Variants in CRADD observed in about 807,000 individuals in gnomAD.
CRADD encodes CARD and death domain containing adaptor protein.
Under a neutral mutation model 15.5 loss-of-function variants are expected in CRADD, and 9 were observed. The ratio of observed to expected loss-of-function variants is 0.58; its 90% CI spans 0.35 to 1.01. CRADD has a LOEUF of 1.01. Among genes scored for constraint, CRADD ranks in the 50% least tolerant of loss-of-function variants. The pLI is 0.02. For missense variants in CRADD, 227 were observed against 250.3 expected (o/e 0.91, Z 0.63); for synonymous variants, 118 against 107.6 (o/e 1.10, Z -0.60).
At chr12:93,711,055 C>CCCCCCCTTTTTTTT in intron 2 of CRADD, among the ~76,000 whole-genome samples, 3 of 43,504 alleles carry the variant, frequency 6.9e-5, no homozygotes, top group Admixed American at 2.6e-4. Context: ...CCACCCCCGC[C>CCCCCCCTTTTTTTT]TTTTTTTTTT....
chr12:93,786,366 T>G (rs1209555763), intron 2 of CRADD, among the ~76,000 whole-genome samples: 1 of 152,242 alleles, frequency 6.6e-6, no homozygotes, highest in Non-Finnish European at 1.5e-5. Flanking sequence ...TTTCTTTATC[T>G]GTAGAAATGA....
intron 2 of CRADD, among the ~76,000 whole-genome samples, chr12:93,787,521 T>C (rs1957293666): frequency 6.6e-6 from 1 of 152,112 alleles, no homozygotes; most frequent in African/African-American, 2.4e-5. Flanking sequence ...CTTAGCAAAC[T>C]CAGTGTCTTT....
Position 93,828,189 on chromosome 12 carries a change from GTA to G in CRADD, c.299-21771_299-21770del, listed in dbSNP as rs368818214. Among the ~76,000 whole-genome samples, 50 of 152,050 alleles carry G rather than the reference GTA, an allele frequency of 3.3e-4. No individual in the cohort carries two copies. In the East Asian group the frequency reaches 7.5e-3, roughly 23 times the overall value. On this transcript the variant is annotated intron_variant, in intron 2 of 2. Transcript: ENST00000332896. Reference sequence around the variant, plus strand: ...TTTTGTTAAGCTTTGAGAATTATTTGTATATATATATGTATACAAGTCCTTTA... The same window carrying G: ...TTTTGTTAAGCTTTGAGAATTATTTGTATATATATGTATACAAGTCCTTTA...
chr12:93,805,947 G>A (rs1303478001), intron 2 of CRADD, among the ~76,000 whole-genome samples: 2 of 152,168 alleles, frequency 1.3e-5, no homozygotes, highest in East Asian at 3.9e-4. Context: ...GAAGGGGGCT[G>A]TAATTTCTCA....
chr12:93,810,547 G>A (rs1593009157), intron 2 of CRADD, among the ~76,000 whole-genome samples: 1 of 46,286 alleles, frequency 2.2e-5, no homozygotes, highest in Admixed American at 3.9e-4. Context: ...GCGCAAATCA[G>A]TCTCAAAAAA....
chr12:93,697,921 G>A (rs1196282682), intron 2 of CRADD, among the ~76,000 whole-genome samples: 1 of 152,192 alleles, frequency 6.6e-6, no homozygotes, highest in African/African-American at 2.4e-5. Flanking sequence ...GAGCTCTAAT[G>A]ATAATGAACT....
intron 2 of CRADD, among the ~76,000 whole-genome samples, chr12:93,844,158 A>T (rs1265719438): frequency 1.3e-5 from 2 of 152,238 alleles, no homozygotes; most frequent in African/African-American, 4.8e-5. Flanking sequence ...AAAATAGATG[A>T]CTATTGCAAT....
At chr12:93,838,728 GT>G (rs1241039461) in intron 2 of CRADD, among the ~76,000 whole-genome samples, 1 of 151,920 alleles carries the variant, frequency 6.6e-6, no homozygotes, top group Non-Finnish European at 1.5e-5. Flanking sequence ...ATTTGTGTGT[GT>G]TTTTGTAAGT....
At chr12:93,741,932 A>G (rs969960744) in intron 2 of CRADD, among the ~76,000 whole-genome samples, 22 of 152,116 alleles carry the variant, frequency 1.4e-4, no homozygotes, top group African/African-American at 3.9e-4. Flanking sequence ...TGCTCATTCT[A>G]TGCTCCACCG....
intron 2 of CRADD, among the ~76,000 whole-genome samples, chr12:93,713,096 T>C (rs1032049543): frequency 6.6e-6 from 1 of 152,168 alleles, no homozygotes; most frequent in Admixed American, 6.5e-5. Context: ...AAAAACAGTT[T>C]TTCAGTTGGG....
chr12:93,841,719 T>C (rs1958049432), intron 2 of CRADD, among the ~76,000 whole-genome samples: 2 of 151,936 alleles, frequency 1.3e-5, no homozygotes, highest in South Asian at 4.1e-4. Context: ...CTTTGATCAA[T>C]GGAGCATTAG....
Position 93,802,054 on chromosome 12 carries a change from A to T in CRADD, c.299-47916A>T, listed in dbSNP as rs992680231. ...CCTTTTTATGGCTGAGTGGTATTCC[A>T]TGGCATATATACACCGTGTTTTCTT... On this transcript the variant is annotated intron_variant, in intron 2 of 2. Coordinates refer to ENST00000332896, the MANE Select transcript of CRADD (RefSeq NM_003805.5). Among the ~76,000 whole-genome samples the T allele has an allele frequency of 2.0e-5, 3 of 152,190 alleles. No homozygotes were observed. In the East Asian group the frequency reaches 5.8e-4, roughly 29 times the overall value.
chr12:93,749,206 G>T (rs1273547853), intron 2 of CRADD, among the ~76,000 whole-genome samples: 3 of 152,168 alleles, frequency 2.0e-5, no homozygotes, highest in Admixed American at 2.0e-4. Context: ...CCTAAAGGAT[G>T]AGCAAGAATT....
chr12:93,853,940 A>AAACAGTG (rs1958249678), downstream of CRADD, among the ~76,000 whole-genome samples: 1 of 152,194 alleles, frequency 6.6e-6, no homozygotes, highest in Non-Finnish European at 1.5e-5. Context: ...TCATTGTTAT[A>AAACAGTG]AACAGTGATG....
intron 2 of CRADD, among the ~76,000 whole-genome samples, chr12:93,872,569 A>C (rs1379594405): frequency 6.6e-6 from 1 of 152,032 alleles, no homozygotes; most frequent in South Asian, 2.1e-4. Context: ...ATCCATTTTT[A>C]TTTGATTTTT....
At chr12:93,825,719 A>G (rs1198465456) in intron 2 of CRADD, among the ~76,000 whole-genome samples, 1 of 152,148 alleles carries the variant, frequency 6.6e-6, no homozygotes, top group African/African-American at 2.4e-5. Context: ...ATGAGAACCT[A>G]TTTTGCTTAA....
At chr12:93,851,911 T>A (rs1415112933), downstream of CRADD, among the ~76,000 whole-genome samples, 1 of 152,234 alleles carries the variant, frequency 6.6e-6, no homozygotes, top group Non-Finnish European at 1.5e-5. Flanking sequence ...AGTGTGTGGA[T>A]AACATCCTTT....
At chr12:93,853,879 G>A (rs1013105961), downstream of CRADD, among the ~76,000 whole-genome samples, 1 of 152,166 alleles carries the variant, frequency 6.6e-6, no homozygotes, top group African/African-American at 2.4e-5. Context: ...TGGATGCGCC[G>A]TCATGTCTTA....
chr12:93,762,414 T>C (rs1956977517), intron 2 of CRADD, among the ~76,000 whole-genome samples: 1 of 152,114 alleles, frequency 6.6e-6, no homozygotes, highest in African/African-American at 2.4e-5. Flanking sequence ...TTAGATGTAA[T>C]TGGAAGCTAA....
Sources: allele counts gnomAD v4.1 joint callset (sites outside exome capture counted in the v4.1 genomes callset), GRCh38; gene constraint gnomAD v4.1.1; transcripts MANE v1.5; gene names NCBI Gene and HGNC (gene_info 2026-07-23, HGNC 2026-07-21).